Variants in SAMD4B observed in about 807,000 individuals in gnomAD.
SAMD4B encodes protein Smaug homolog 2.
In SAMD4B, 5 loss-of-function variants were observed where a neutral mutation model predicts 74.5. The observed-to-expected ratio is 0.07, with a 90% CI of 0.04 to 0.14. The LOEUF is 0.14. Ranked by LOEUF, SAMD4B falls within the 10% of genes least tolerant of loss-of-function variation. The pLI is 1.00. For synonymous variants in SAMD4B, 373 were observed against 374.9 expected (o/e 1.00, Z 0.06); for missense variants, 608 against 921.8 (o/e 0.66, Z 4.41).
At chr19:39,386,301 C>G (rs756728068), downstream of SAMD4B, 1 of 1,614,190 alleles carries the variant, frequency 6.2e-7, no homozygotes, top group Admixed American at 1.7e-5. The surrounding 1 kb of genome is among the most constrained non-coding windows in gnomAD (Gnocchi z 6.1). Context: ...ACTCTTGTCA[C>G]TGGCCTCGTC....
chr19:39,389,093 T>A, downstream of SAMD4B: 1 of 1,613,334 alleles, frequency 6.2e-7, no homozygotes, highest in Non-Finnish European at 8.5e-7. The surrounding 1 kb of genome is among the most constrained non-coding windows in gnomAD (Gnocchi z 5.3). Context: ...CCTCAATTAC[T>A]GATTTCTGGG....
At chr19:39,354,680 T>C (rs1176911503) in intron 2 of SAMD4B, among the ~76,000 whole-genome samples, 1 of 152,096 alleles carries the variant, frequency 6.6e-6, no homozygotes. Flanking sequence ...GAGTAACTCC[T>C]GAGATTGGAT....
At chr19:39,343,968 T>G (rs976764419) in intron 1 of SAMD4B, among the ~76,000 whole-genome samples, 2 of 128,120 alleles carry the variant, frequency 1.6e-5, no homozygotes, top group African/African-American at 3.3e-5. Context: ...CCCTCTGATA[T>G]GCAGGTTTTC....
At chr19:39,389,070 C>T, downstream of SAMD4B, 3 of 1,612,034 alleles carry the variant, frequency 1.9e-6, no homozygotes, top group South Asian at 1.1e-5. The surrounding 1 kb of genome is among the most constrained non-coding windows in gnomAD (Gnocchi z 5.3). Context: ...CCTTGCCTCT[C>T]CCCATCCCAG....
intron 3 of SAMD4B, among the ~76,000 whole-genome samples, chr19:39,365,066 C>T (rs768459926): frequency 4.6e-5 from 7 of 150,890 alleles, no homozygotes; most frequent in Non-Finnish European, 7.4e-5. Context: ...GGTGAAACCC[C>T]ATCTCTACTA....
At chr19:39,356,308 A>G (rs947211032) in intron 2 of SAMD4B, among the ~76,000 whole-genome samples, 5 of 152,120 alleles carry the variant, frequency 3.3e-5, no homozygotes, top group African/African-American at 4.8e-5. Context: ...TAGTCATGTC[A>G]CCTTGGGCCA....
chr19:39,390,351 AGGCTTCCCCAACCTTTCAAAAG>A (rs2145941535), downstream of SAMD4B: 1 of 1,497,756 alleles, frequency 6.7e-7, no homozygotes, highest in East Asian at 2.4e-5. Flanking sequence ...AGAATGAAAA[AGGCTTCCCCAACCTTTCAAAAG>A]GTAGGAGGGG....
rs2077208172 is a variant in SAMD4B at position 39,370,240 on chromosome 19, A to G, written c.667+115A>G. Reference sequence around the variant, plus strand: ...ACAAGTCACATAAGCTGTAGGCCTCAACTTTATGAGGCAATGCAGAGGCTG... The same window carrying G: ...ACAAGTCACATAAGCTGTAGGCCTCGACTTTATGAGGCAATGCAGAGGCTG... On this transcript the variant is annotated intron_variant, in intron 4 of 13. Transcript: ENST00000610417. 7 of 1,014,400 alleles carry G rather than the reference A, an allele frequency of 6.9e-6. No homozygotes were observed. The South Asian group carries it at 7.5e-5, about 11-fold the overall frequency. 62.8% of individuals were successfully genotyped at this position (1,014,400 alleles called of 1,614,324 possible).
At chr19:39,374,304 C>T (rs1016784777) in intron 4 of SAMD4B, among the ~76,000 whole-genome samples, 57 of 152,090 alleles carry the variant, frequency 3.7e-4, no homozygotes, top group African/African-American at 1.3e-3. Context: ...CAACCTCAGA[C>T]TTGGGATGGA....
intron 3 of SAMD4B, among the ~76,000 whole-genome samples, chr19:39,358,704 G>A (rs1344490581): frequency 1.3e-5 from 2 of 152,122 alleles, no homozygotes; most frequent in East Asian, 3.8e-4. Context: ...CTTCCTACAT[G>A]CCTGACATGT....
In SAMD4B at chr19:39,357,040, G is replaced by A. The variant is rs752103665; in HGVS notation, c.147G>A (p.Leu49=). 95 of 1,613,688 alleles carry A rather than the reference G, an allele frequency of 5.9e-5. No homozygotes were observed. Among genetic ancestry groups the A allele is most frequent in the Non-Finnish European group, 7.4e-5 (87 of 1,179,770 alleles). ...TGCAGCTCTGCCTGGAGCACTCACT[G>A]GCGGACTGCAATGACATCCACCTGC... ...RFLQLCLEHS[L]ADCNDIHLLE... is the part of the protein sequence containing the mutation. The change falls in exon 3 of 14, where the codon CTG becomes CTA. Residue 49 remains leucine, a synonymous_variant. Transcript: ENST00000610417.
At position 39,377,823 on chromosome 19, in the gene SAMD4B, A is replaced by G. The variant is rs766074737; in HGVS notation, c.1443A>G (p.Lys481=). ...IPSQFTRVMG[K]VCTQLLVSRP... ...GCCAGTTTACACGGGTGATGGGCAAAGGTGAGACCAGCCACAGCCTAGCAG... is the reference window on the plus strand; with the variant it reads ...GCCAGTTTACACGGGTGATGGGCAAGGGTGAGACCAGCCACAGCCTAGCAG... Residue 481 remains lysine, a splice_region_variant and synonymous_variant, in exon 8 of 14, where the codon AAA becomes AAG. Coordinates refer to ENST00000610417, the MANE Select transcript of SAMD4B (RefSeq NM_001384574.2). 6.3e-7 allele frequency: 1 copy of G among 1,580,108 alleles called. No individual in the cohort carries two copies.
intron 2 of SAMD4B, among the ~76,000 whole-genome samples, chr19:39,355,913 C>T (rs903062867): frequency 3.3e-5 from 5 of 152,086 alleles, no homozygotes; most frequent in Non-Finnish European, 7.3e-5. Flanking sequence ...TTGGAGTCTT[C>T]AGGGGAATTA....
Position 39,375,765 on chromosome 19 carries a change from T to A in SAMD4B, c.783T>A (p.Ala261=). The A allele has an allele frequency of 1.2e-6, 2 of 1,614,122 alleles. No individual in the cohort carries two copies. ...PSPEELGARA[A]FTTPDHAPLS... is the part of the protein sequence containing the mutation. ...CAGAGGAGCTTGGGGCCCGGGCTGC[T>A]TTTACCACGCCCGATCACGCACCTC... is the stretch of plus-strand genomic sequence containing the variant. The change falls in exon 5 of 14, where the codon GCT becomes GCA. Residue 261 remains alanine, a synonymous_variant. Coordinates refer to ENST00000610417, the MANE Select transcript of SAMD4B (RefSeq NM_001384574.2). This position sits in a 1 kb window ranked among gnomAD's most constrained non-coding sequence, Gnocchi z 4.1.
chr19:39,372,152 G>A (rs983558115), intron 4 of SAMD4B, among the ~76,000 whole-genome samples: 16 of 152,192 alleles, frequency 1.1e-4, no homozygotes, highest in Admixed American at 2.6e-4. Context: ...AAGGAATTGG[G>A]CATTCCAAGT....
Position 39,381,130 on chromosome 19 carries a change from T to G in SAMD4B, c.1972+17T>G. 6.3e-7 allele frequency: 1 copy of G among 1,578,538 alleles called. No homozygotes were observed. Among genetic ancestry groups the G allele is most frequent in the Non-Finnish European group, 8.6e-7 (1 of 1,164,798 alleles). ...TCCCTCCAGGTGAGGTGCCCCACCC[T>G]TGGGACTCTGCCTGGCCAACATCCT... On this transcript the variant is annotated intron_variant, in intron 12 of 13. Coordinates refer to ENST00000610417, the MANE Select transcript of SAMD4B (RefSeq NM_001384574.2).
intron 1 of SAMD4B, among the ~76,000 whole-genome samples, chr19:39,345,229 A>G (rs540452074): frequency 1.5e-4 from 23 of 152,206 alleles, no homozygotes; most frequent in Middle Eastern, 3.4e-3. Context: ...TCTGTGCCCT[A>G]CTGCCCACTG....
chr19:39,385,886 T>G, downstream of SAMD4B: 1 of 1,506,568 alleles, frequency 6.6e-7, no homozygotes, highest in South Asian at 1.2e-5. Context: ...AGCAAAGGTT[T>G]GGGGGTGGGG....
intron 1 of SAMD4B, chr19:39,350,142 A>G (rs1439653122): frequency 6.6e-6 from 1 of 152,242 alleles, no homozygotes; most frequent in Non-Finnish European, 1.5e-5. Context: ...ACAATGTATG[A>G]TGTATGAAGA....
Sources: gnomAD v4.1 joint callset for allele counts (sites outside exome capture counted in the v4.1 genomes callset) on GRCh38, gnomAD v4.1.1 for gene constraint, Gnocchi (gnomAD v3.1) non-coding constraint, MANE v1.5 for transcripts, NCBI Gene and HGNC (gene_info 2026-07-23, HGNC 2026-07-21) for gene names.